The following COL19A1 variants were observed in gnomAD, a reference collection of about 807,000 sequenced individuals.
The protein encoded by COL19A1 is collagen alpha-1(XIX) chain.
COL19A1 carries 159 observed loss-of-function variants against 190.2 expected under a neutral mutation model. That is an observed-to-expected ratio of 0.84 (90% CI 0.73 to 0.95). COL19A1 has a LOEUF of 0.95. Ranked by LOEUF, COL19A1 falls within the 40% of genes least tolerant of loss-of-function variation. The probability of loss-of-function intolerance (pLI) is 0.00; values close to 1 mark genes in which losing one functional copy is unlikely to be tolerated. For missense variants in COL19A1, 1,418 were observed against 1,431.9 expected, an observed-to-expected ratio of 0.99 and a Z score of 0.16; for synonymous variants, 509 against 458.9, an observed-to-expected ratio of 1.11 and a Z score of -1.39.
chr6:70,188,494 C>T (rs949002763), intron 47 of COL19A1, among the ~76,000 whole-genome samples: 12 of 152,286 alleles, frequency 7.9e-5, no homozygotes, highest in East Asian at 5.8e-4. Context: ...GTTTTATAAA[C>T]GCATAAAATG....
At chr6:70,173,935 T>C (rs1424608141) in intron 41 of COL19A1, among the ~76,000 whole-genome samples, 2 of 152,132 alleles carry the variant, frequency 1.3e-5, no homozygotes, top group African/African-American at 4.8e-5. Context: ...TGGGCCAATG[T>C]CTTTAAGTAG....
At chr6:70,002,386 A>G (rs982525690) in intron 11 of COL19A1, among the ~76,000 whole-genome samples, 1 of 152,100 alleles carries the variant, frequency 6.6e-6, no homozygotes, top group African/African-American at 2.4e-5. Context: ...ACTTCATAAA[A>G]TGAGTTAGAG....
At chr6:69,997,050 A>AG (rs1562072235) in intron 11 of COL19A1, among the ~76,000 whole-genome samples, 92 of 144,230 alleles carry the variant, frequency 6.4e-4, no homozygotes, top group African/African-American at 2.2e-3. Context: ...GAGAGAGAGA[A>AG]AGAGAACCAA....
chr6:70,000,950 A>C (rs1172962793), intron 11 of COL19A1, among the ~76,000 whole-genome samples: 1 of 152,180 alleles, frequency 6.6e-6, no homozygotes, highest in Non-Finnish European at 1.5e-5. Flanking sequence ...GCCCATGCCT[A>C]TGTCCTGAAG....
chr6:69,998,594 G>A (rs927632127), intron 11 of COL19A1, among the ~76,000 whole-genome samples: 4 of 143,318 alleles, frequency 2.8e-5, no homozygotes, highest in African/African-American at 5.3e-5. Flanking sequence ...GCAGTAAGCC[G>A]AGATCACTCC....
At chr6:69,922,715 A>G (rs1400109443) in intron 4 of COL19A1, among the ~76,000 whole-genome samples, 1 of 152,012 alleles carries the variant, frequency 6.6e-6, no homozygotes. Flanking sequence ...TCCTGACCTC[A>G]AGTGATCTGC....
Position 69,936,307 on chromosome 6 carries a change from T to C in COL19A1, c.748-478T>C, listed in dbSNP as rs2024903. Among the ~76,000 whole-genome samples the C allele has an allele frequency of 1.0e-2, 1,515 of 152,254 alleles. 30 individuals are homozygous for C. Among genetic ancestry groups the C allele is most frequent in the African/African-American group, 0.034 (1,422 of 41,560 alleles). ...ACAAAGTATACTTTGATTTAATAAA[T>C]GTTGTCTAAGAGTGTAAAAAGAATT... On this transcript the variant is annotated intron_variant, in intron 7 of 50. Transcript: ENST00000620364.
intron 34 of COL19A1, among the ~76,000 whole-genome samples, chr6:70,160,205 A>G (rs1182024077): frequency 6.6e-6 from 1 of 152,078 alleles, no homozygotes; most frequent in Non-Finnish European, 1.5e-5. Context: ...GGCCTCAGGA[A>G]ACTTACAATC....
At chr6:69,970,212 A>G (rs1003458034) in intron 11 of COL19A1, among the ~76,000 whole-genome samples, 2 of 152,234 alleles carry the variant, frequency 1.3e-5, no homozygotes, top group African/African-American at 4.8e-5. Context: ...TAGAAAGATT[A>G]AACAGATTTA....
chr6:70,181,811 G>C (rs1462436580), intron 44 of COL19A1, among the ~76,000 whole-genome samples: 1 of 152,226 alleles, frequency 6.6e-6, no homozygotes, highest in East Asian at 1.9e-4. Context: ...CCATGGGAAG[G>C]TCAGAGGACC....
intron 14 of COL19A1, among the ~76,000 whole-genome samples, chr6:70,065,194 C>T (rs897568310): frequency 9.2e-5 from 14 of 152,174 alleles, no homozygotes; most frequent in Non-Finnish European, 1.9e-4. Flanking sequence ...ATCATGCTAC[C>T]TAACTTCAGA....
chr6:69,921,411 C>CAT (rs377420368), intron 4 of COL19A1, among the ~76,000 whole-genome samples: 3,578 of 80,944 alleles, frequency 0.044, 242 homozygotes, highest in African/African-American at 0.11. Context: ...TCATATATAT[C>CAT]ATATATCATA....
intron 12 of COL19A1, among the ~76,000 whole-genome samples, chr6:70,033,217 A>G (rs1779164980): frequency 6.6e-6 from 1 of 152,086 alleles, no homozygotes; most frequent in African/African-American, 2.4e-5. Flanking sequence ...TTAAGTATCT[A>G]ATTTTCTTTT....
chr6:69,899,146 A>T, intron 3 of COL19A1, 124 bp downstream of exon 3: 1 of 615,526 alleles, frequency 1.6e-6, no homozygotes, highest in Non-Finnish European at 2.8e-6. Context: ...TAACGTGAAA[A>T]TTTTAAGAAT....
chr6:70,193,937 G>C (rs563120802), intron 48 of COL19A1, among the ~76,000 whole-genome samples: 1 of 152,136 alleles, frequency 6.6e-6, no homozygotes, highest in African/African-American at 2.4e-5. Flanking sequence ...TACCATTTTC[G>C]GAAAGTTTTT....
chr6:69,935,471 A>G (rs1345655865), intron 7 of COL19A1, among the ~76,000 whole-genome samples: 1 of 152,076 alleles, frequency 6.6e-6, no homozygotes, highest in Non-Finnish European at 1.5e-5. Flanking sequence ...GAAACATCAT[A>G]TCAAATCAAA....
chr6:69,938,249 A>C (rs539082924), intron 9 of COL19A1, 149 bp downstream of exon 9: 54 of 732,902 alleles, frequency 7.4e-5, no homozygotes, highest in African/African-American at 1.1e-4. Flanking sequence ...GATTACTGAA[A>C]TAGAGACTAT....
intron 17 of COL19A1, among the ~76,000 whole-genome samples, chr6:70,127,773 A>C (rs1413651975): frequency 2.9e-5 from 4 of 136,400 alleles, no homozygotes; most frequent in Admixed American, 2.2e-4. Flanking sequence ...TATCATGAGA[A>C]TAGCACAGGA....
chr6:69,881,771 G>A (rs1768571361), intron 2 of COL19A1, among the ~76,000 whole-genome samples: 1 of 152,134 alleles, frequency 6.6e-6, no homozygotes, highest in South Asian at 2.1e-4. Flanking sequence ...TTTGGTAGAG[G>A]GTGTTCGTAA....
Sources: gnomAD v4.1 joint callset for allele counts (sites outside exome capture counted in the v4.1 genomes callset) on GRCh38, gnomAD v4.1.1 for gene constraint, MANE v1.5 for transcripts, NCBI Gene and HGNC (gene_info 2026-07-23, HGNC 2026-07-21) for gene names.